Variants in BIVM observed in about 807,000 individuals in gnomAD.
The protein encoded by BIVM is basic immunoglobulin-like variable motif-containing protein.
Under a neutral mutation model 61.4 loss-of-function variants are expected in BIVM, and 31 were observed. The observed-to-expected ratio is 0.51, with a 90% CI of 0.38 to 0.68. BIVM has a LOEUF of 0.68. BIVM is among the 30% of genes least tolerant of loss of function. The pLI is 0.00. For synonymous variants in BIVM, 189 were observed against 210.7 expected (o/e 0.90, Z 0.89); for missense variants, 526 against 596.0 (o/e 0.88, Z 1.22).
At chr13:102,821,696 T>A in intron 5 of BIVM, 47 bp from the exon 6 acceptor site, 1 of 1,567,474 alleles carries the variant, frequency 6.4e-7, no homozygotes, top group Non-Finnish European at 8.7e-7. Flanking sequence ...TGTATTTGCG[T>A]ATGACTGGAA....
intron 9 of BIVM, 137 bp downstream of exon 9, chr13:102,834,689 C>T: frequency 2.9e-6 from 2 of 690,372 alleles, no homozygotes. Context: ...ATATGGTACA[C>T]ATTCATTGCC....
rs1468453917 is a variant in BIVM, at chr13:102,813,609, T to C, written c.479-2819T>C. Among the ~76,000 whole-genome samples the C allele has an allele frequency of 4.6e-5, 7 of 152,222 alleles. 1 individual carries two copies. Among genetic ancestry groups the C allele is most frequent in the Admixed American group, 4.6e-4 (7 of 15,278 alleles). On this transcript the variant is annotated intron_variant, in intron 3 of 10. Transcript: ENST00000257336. ...TATCTTTTTTCTTGAGAATGAGTCA[T>C]ATTTTTCACTTTCCTTATATGTTCT...
intron 1 of BIVM, among the ~76,000 whole-genome samples, chr13:102,804,004 A>AT (rs1422930221): frequency 6.6e-6 from 1 of 152,154 alleles, no homozygotes; most frequent in African/African-American, 2.4e-5. Context: ...TACTCCAAGA[A>AT]TTTTTTTTAC....
rs1281773405 is a variant in BIVM at position 102,807,438 on chromosome 13, T to C, written c.171T>C (p.Cys57=). ...PKGDGHYPWS[C]PVTHTREKIY... is the part of the protein sequence containing the mutation. ...GAGATGGTCATTATCCATGGAGTTG[T>C]CCAGTGACTCATACACGGGAAAAAA... Residue 57 remains cysteine (C), a synonymous_variant, in exon 3 of 11, where the codon TGT becomes TGC. Coordinates refer to ENST00000257336, the MANE Select transcript of BIVM (RefSeq NM_017693.4). This position sits in a 1 kb window ranked among gnomAD's most constrained non-coding sequence, Gnocchi z 4.0. 1 of 1,614,074 alleles carries C rather than the reference T, an allele frequency of 6.2e-7. No homozygotes were observed. The highest frequency in any genetic ancestry group is 8.5e-7 in the Non-Finnish European group (1 of 1,180,044).
chr13:102,809,848 C>T (rs925953368), intron 3 of BIVM, among the ~76,000 whole-genome samples: 1 of 150,384 alleles, frequency 6.6e-6, no homozygotes, highest in Non-Finnish European at 1.5e-5. Flanking sequence ...TGCAGTGGCG[C>T]GATCTCGGCT....
At chr13:102,817,817 G>A (rs1475718640) in intron 4 of BIVM, among the ~76,000 whole-genome samples, 1 of 151,816 alleles carries the variant, frequency 6.6e-6, no homozygotes, top group Non-Finnish European at 1.5e-5. Flanking sequence ...CAACTTTTAT[G>A]TATTACTGAC....
At position 102,831,842 on chromosome 13, in the gene BIVM, A is replaced by C. The variant is rs1281853770; in HGVS notation, c.1034+145A>C. The C allele has an allele frequency of 1.7e-5, 12 of 688,172 alleles. No individual in the cohort carries two copies. In the East Asian group the frequency reaches 3.8e-4, roughly 22 times the overall value. The allele number at this position is 688,172 out of a possible 1,614,324, so 42.6% of individuals were successfully genotyped here. ...CAGAAGATCGAGACCATCCTGGCTA[A>C]CACGGTGAAACCCCGTCTCTACTAA... is the stretch of plus-strand genomic sequence containing the variant. On this transcript the variant is annotated intron_variant, in intron 8 of 10. Transcript: ENST00000257336.
intron 3 of BIVM, among the ~76,000 whole-genome samples, chr13:102,809,118 A>G (rs1417466068): frequency 6.6e-6 from 1 of 152,144 alleles, no homozygotes; most frequent in Non-Finnish European, 1.5e-5. Flanking sequence ...ATGGAAGCTT[A>G]GATCATTGAT....
chr13:102,814,518 A>G (rs1879733454), intron 3 of BIVM, among the ~76,000 whole-genome samples: 1 of 152,220 alleles, frequency 6.6e-6, no homozygotes, highest in African/African-American at 2.4e-5. Context: ...TCTATGTTTC[A>G]TTAGCTTTAA....
At chr13:102,801,421 T>A (rs1227004721) in intron 1 of BIVM, 1 of 152,000 alleles carries the variant, frequency 6.6e-6, no homozygotes, top group Non-Finnish European at 1.5e-5. Context: ...TTTTTTATTT[T>A]TTATTTTTTT....
In BIVM at chr13:102,807,135, C is replaced by T; in HGVS notation, c.-122-11C>T. On this transcript the variant is annotated splice_polypyrimidine_tract_variant and intron_variant, in intron 2 of 10. Transcript: ENST00000257336. This position sits in a 1 kb window ranked among gnomAD's most constrained non-coding sequence, Gnocchi z 4.0. ...GGTGGATTGTTGATCATTCTTTTTCCTTCCTCTTAGGAGCTCATTTTGCAG... is the reference window on the plus strand; with the variant it reads ...GGTGGATTGTTGATCATTCTTTTTCTTTCCTCTTAGGAGCTCATTTTGCAG... The T allele has an allele frequency of 2.2e-6, 2 of 924,892 alleles. No homozygotes were observed. The highest frequency in any genetic ancestry group is 2.0e-5 in the South Asian group (1 of 48,886). The allele number at this position is 924,892 out of a possible 1,614,324, so 57.3% of individuals were successfully genotyped here.
At chr13:102,815,539 A>C (rs1007785298) in intron 3 of BIVM, among the ~76,000 whole-genome samples, 1 of 152,212 alleles carries the variant, frequency 6.6e-6, no homozygotes, top group Non-Finnish European at 1.5e-5. Context: ...TGGATACCCC[A>C]TTCTCCATGA....
chr13:102,815,000 C>T (rs1363277276), intron 3 of BIVM, among the ~76,000 whole-genome samples: 2 of 152,052 alleles, frequency 1.3e-5, no homozygotes, highest in African/African-American at 4.8e-5. Flanking sequence ...GTGGAGATTG[C>T]GTCACTGCAC....
In BIVM at chr13:102,807,515, A is replaced by G; in HGVS notation, c.248A>G (p.Tyr83Cys). The part of the protein sequence containing the change: ...YAFLNQATSI[Y>C]KTPNPSRSPC... ...TTTCTCAACCAGGCGACCTCAATCT[A>G]TAAAACTCCAAATCCATCCCGCTCT... Residue 83 changes from tyrosine (Y) to cysteine (C), a missense_variant, in exon 3 of 11, where the codon TAT becomes TGT. Physicochemically the swap from Tyr to Cys is radical, Grantham distance 194. Coordinates refer to ENST00000257336, the MANE Select transcript of BIVM (RefSeq NM_017693.4). This position sits in a 1 kb window ranked among gnomAD's most constrained non-coding sequence, Gnocchi z 4.0. 2.5e-6 allele frequency: 4 copies of G among 1,614,234 alleles called. No individual in the cohort carries two copies. Among genetic ancestry groups the G allele is most frequent in the South Asian group, 1.1e-5 (1 of 91,086 alleles).
At position 102,799,534 on chromosome 13, in the gene BIVM, G is replaced by C. The variant is rs977256463; in HGVS notation, c.-207+13G>C. 7.2e-5 allele frequency: 11 copies of C among 152,312 alleles called. No homozygotes were observed. Among genetic ancestry groups the C allele is most frequent in the African/African-American group, 2.7e-4 (11 of 41,462 alleles). 9.4% of individuals were successfully genotyped at this position (152,312 alleles called of 1,614,324 possible). A position where few individuals can be genotyped will look rare whatever the true frequency, so the allele number is the denominator to read the frequency against. ...CGACAGGCCAGAGGTACCCCGGGGC[G>C]GGGGGCAGGGGCCGAGGTGGCGGCC... On this transcript the variant is annotated intron_variant, in intron 1 of 10. Coordinates refer to ENST00000257336, the MANE Select transcript of BIVM (RefSeq NM_017693.4).
chr13:102,810,144 C>G (rs1879401381), intron 3 of BIVM, among the ~76,000 whole-genome samples: 1 of 152,194 alleles, frequency 6.6e-6, no homozygotes, highest in East Asian at 1.9e-4. Context: ...CCTCACAGTC[C>G]CTGGAAACCA....
chr13:102,807,615 A>G lies in BIVM; in HGVS notation c.348A>G (p.Thr116=), dbSNP rs1227055351. Residue 116 remains threonine, a synonymous_variant, in exon 3 of 11, where the codon ACA becomes ACG. Transcript: ENST00000257336. This position sits in a 1 kb window ranked among gnomAD's most constrained non-coding sequence, Gnocchi z 4.0. ...GATACATTGGTATCCCGACTAGTAC[A>G]TCGGAAATTATCTACAATGAAGAAA... The part of the protein sequence containing the change: ...SSRYIGIPTS[T]SEIIYNEENS... The G allele has an allele frequency of 6.2e-6, 10 of 1,614,100 alleles. No homozygotes were observed. In the African/African-American group the frequency reaches 6.7e-5, roughly 11 times the overall value.
At chr13:102,822,226 C>A in intron 7 of BIVM, 67 bp downstream of exon 7, 2 of 1,463,412 alleles carry the variant, frequency 1.4e-6, no homozygotes. Context: ...TACACACACA[C>A]GGTTTAGAGT....
chr13:102,811,141 T>C (rs780298421), intron 3 of BIVM, among the ~76,000 whole-genome samples: 1 of 152,242 alleles, frequency 6.6e-6, no homozygotes, highest in South Asian at 2.1e-4. Context: ...CTGGCTTTTA[T>C]AATTGTTCGT....
Sources: gnomAD v4.1 joint callset for allele counts (sites outside exome capture counted in the v4.1 genomes callset) on GRCh38, gnomAD v4.1.1 for gene constraint, Gnocchi (gnomAD v3.1) non-coding constraint, MANE v1.5 for transcripts, NCBI Gene and HGNC (gene_info 2026-07-23, HGNC 2026-07-21) for gene names.